Variants in EXOC2 observed in about 807,000 individuals in gnomAD.
The protein encoded by EXOC2 is SEC5-like 1.
EXOC2 carries 70 observed loss-of-function variants against 131.8 expected under a neutral mutation model. The ratio of observed to expected loss-of-function variants is 0.53; its 90% confidence interval spans 0.44 to 0.65. The LOEUF (loss-of-function observed/expected upper bound fraction) is 0.65. Among genes scored for constraint, EXOC2 ranks in the 30% least tolerant of loss-of-function variants. The pLI, the probability that EXOC2 is intolerant of heterozygous loss-of-function variation, is 0.00. For missense variants in EXOC2, 923 were observed against 1,108.6 expected (o/e 0.83, Z 2.38); for synonymous variants, 411 against 398.4 (o/e 1.03, Z -0.38).
In EXOC2 at chr6:592,385, C is replaced by T. The variant is rs75308273; in HGVS notation, c.1192+84G>A. 4.7e-3 allele frequency: 5,454 copies of T among 1,169,596 alleles called. 196 individuals are homozygous for T. In the African/African-American group the frequency reaches 0.074, roughly 16 times the overall value. 72.5% of individuals were successfully genotyped at this position (1,169,596 alleles called of 1,614,324 possible). ...AGAGATACCAAGTAAATTAGGTAGT[C>T]AGTGCCTTCATCATTAAACATTCCC... On this transcript the variant is annotated intron_variant, in intron 11 of 27. Transcript: ENST00000230449.
intron 10 of EXOC2, among the ~76,000 whole-genome samples, chr6:595,731 A>G (rs1581517771): frequency 6.6e-6 from 1 of 152,074 alleles, no homozygotes; most frequent in Non-Finnish European, 1.5e-5. Flanking sequence ...CCAGAAATAT[A>G]CAAAGCACAC....
intron 12 of EXOC2, among the ~76,000 whole-genome samples, chr6:574,674 C>T (rs1375810781): frequency 6.6e-6 from 1 of 152,194 alleles, no homozygotes; most frequent in African/African-American, 2.4e-5. Context: ...TTTCATTCAG[C>T]TAATATTTAT....
At chr6:491,071 T>C (rs1015237765) in intron 26 of EXOC2, 54 bp downstream of exon 26, 6 of 1,565,296 alleles carry the variant, frequency 3.8e-6, no homozygotes, top group Middle Eastern at 1.7e-4. Context: ...AATTGACTAG[T>C]AAGACAACCT....
At chr6:665,982 TCTG>T (rs1332116892) in intron 1 of EXOC2, among the ~76,000 whole-genome samples, 3 of 152,308 alleles carry the variant, frequency 2.0e-5, no homozygotes, top group East Asian at 3.9e-4. Context: ...AGAAATGTGG[TCTG>T]CTACCTATTC....
intron 1 of EXOC2, 84 bp from the exon 2 acceptor site, chr6:637,945 C>A: frequency 1.1e-6 from 1 of 875,774 alleles, no homozygotes. Context: ...CAGTCAGTAC[C>A]AAAATATAAA....
intron 10 of EXOC2, among the ~76,000 whole-genome samples, chr6:593,459 T>C (rs994126435): frequency 1.3e-5 from 2 of 152,240 alleles, no homozygotes; most frequent in Non-Finnish European, 2.9e-5. Flanking sequence ...GGAAATATAG[T>C]ATAGTTCGGT....
chr6:645,771 A>G (rs1213789788), intron 1 of EXOC2, among the ~76,000 whole-genome samples: 1 of 152,214 alleles, frequency 6.6e-6, no homozygotes, highest in East Asian at 1.9e-4. Flanking sequence ...AGTAGCGATG[A>G]GCATATCTAA....
chr6:671,357 AAAAAAAC>A (rs1763859190), intron 1 of EXOC2, among the ~76,000 whole-genome samples: 2 of 151,520 alleles, frequency 1.3e-5, no homozygotes, highest in South Asian at 4.2e-4. Flanking sequence ...ACAACAACAA[AAAAAAAC>A]AAAAAAAGAA....
chr6:655,129 A>C (rs1164055254), intron 1 of EXOC2, among the ~76,000 whole-genome samples: 3 of 152,214 alleles, frequency 2.0e-5, no homozygotes, highest in East Asian at 1.9e-4. Flanking sequence ...CTTTCATGAA[A>C]GTCAATCGAT....
At chr6:648,407 A>G (rs921434606) in intron 1 of EXOC2, among the ~76,000 whole-genome samples, 86 of 152,258 alleles carry the variant, frequency 5.6e-4, no homozygotes, top group African/African-American at 2.0e-3. Flanking sequence ...TTGACGATCC[A>G]TGCCAGACTC....
rs1196909406 is a variant in EXOC2, at chr6:629,972, G to A, written c.296-11C>T. On this transcript the variant is annotated splice_polypyrimidine_tract_variant and intron_variant, in intron 3 of 27. Coordinates refer to ENST00000230449, the MANE Select transcript of EXOC2 (RefSeq NM_018303.6). ...ACTGATCCAAAATGCCTACAGAAATGAGGAGCATATGCTTAATAAGATGAA... is the reference window on the plus strand; with the variant it reads ...ACTGATCCAAAATGCCTACAGAAATAAGGAGCATATGCTTAATAAGATGAA... 6.2e-7 allele frequency: 1 copy of A among 1,613,416 alleles called. No homozygotes were observed. Among genetic ancestry groups the A allele is most frequent in the Non-Finnish European group, 8.5e-7 (1 of 1,179,650 alleles).
chr6:608,112 T>G (rs1760517973), intron 7 of EXOC2, among the ~76,000 whole-genome samples: 1 of 152,272 alleles, frequency 6.6e-6, no homozygotes, highest in Non-Finnish European at 1.5e-5. Flanking sequence ...CTTTCCTTCC[T>G]TTCTACAACA....
At chr6:587,640 G>C (rs1450526939) in intron 11 of EXOC2, among the ~76,000 whole-genome samples, 1 of 152,186 alleles carries the variant, frequency 6.6e-6, no homozygotes, top group African/African-American at 2.4e-5. Context: ...ACTGGCCAAA[G>C]CACACTCTAT....
At chr6:660,003 G>GA (rs1763344732) in intron 1 of EXOC2, among the ~76,000 whole-genome samples, 1 of 150,472 alleles carries the variant, frequency 6.6e-6, no homozygotes, top group Non-Finnish European at 1.5e-5. Flanking sequence ...GTTGGGGGGG[G>GA]GACACGGGGG....
At chr6:636,322 G>A (rs2127713529) in intron 2 of EXOC2, among the ~76,000 whole-genome samples, 1 of 152,314 alleles carries the variant, frequency 6.6e-6, no homozygotes, top group South Asian at 2.1e-4. Context: ...GATTAGGTAA[G>A]ACTACTTTTG....
At chr6:493,927 G>A (rs1397817536) in intron 25 of EXOC2, among the ~76,000 whole-genome samples, 1 of 152,188 alleles carries the variant, frequency 6.6e-6, no homozygotes, top group Non-Finnish European at 1.5e-5. Context: ...TTTTGAGAGT[G>A]GTTTAGCCAT....
At chr6:535,591 C>T (rs1766392209) in intron 22 of EXOC2, among the ~76,000 whole-genome samples, 1 of 152,156 alleles carries the variant, frequency 6.6e-6, no homozygotes, top group African/African-American at 2.4e-5. Context: ...TGCTAATCTG[C>T]TGAAAAACAC....
At chr6:492,355 G>T (rs779151284) in intron 25 of EXOC2, among the ~76,000 whole-genome samples, 7 of 152,208 alleles carry the variant, frequency 4.6e-5, no homozygotes, top group Non-Finnish European at 8.8e-5. Flanking sequence ...CAGTTCCTCA[G>T]AAGATTAAGT....
intron 1 of EXOC2, chr6:655,920 A>T (rs1450218248): frequency 1.9e-6 from 1 of 515,150 alleles, no homozygotes; most frequent in African/African-American, 1.9e-5. Context: ...CCCAATAAAC[A>T]AAACATGAAC....
Sources: gnomAD v4.1 joint callset for allele counts (sites outside exome capture counted in the v4.1 genomes callset) on GRCh38, gnomAD v4.1.1 for gene constraint, MANE v1.5 for transcripts, NCBI Gene and HGNC (gene_info 2026-07-23, HGNC 2026-07-21) for gene names.